POMT1: variants seen among roughly 807,000 people sequenced by gnomAD.
POMT1 encodes protein O-mannosyl-transferase 1.
In POMT1, 85 loss-of-function variants were observed where a neutral mutation model predicts 101.6. That is an observed-to-expected ratio of 0.84 (90% confidence interval 0.70 to 1.00). The LOEUF (loss-of-function observed/expected upper bound fraction) is 1.00, where lower values mean the gene tolerates loss of function less well. Ranked by LOEUF, POMT1 falls within the 50% of genes least tolerant of loss-of-function variation. POMT1 has a pLI of 0.00. For synonymous variants in POMT1, 371 were observed against 383.0 expected (o/e 0.97, Z 0.37); for missense variants, 857 against 930.4 (o/e 0.92, Z 1.03).
Position 131,513,276 on chromosome 9 carries a change from A to G in POMT1, c.1120A>G (p.Arg374Gly), listed in dbSNP as rs1947530918. 6.2e-7 allele frequency: 1 copy of G among 1,612,512 alleles called. No individual in the cohort carries two copies. The highest frequency in any genetic ancestry group is 8.5e-7 in the Non-Finnish European group (1 of 1,179,870). Reference protein sequence around the residue: ...LVVSSPPRPVRHGDMVQLVHG... With the variant: ...LVVSSPPRPVGHGDMVQLVHG... Reference sequence around the variant, plus strand: ...GGTGAGCAGCCCTCCGAGACCTGTGAGGCACGGGGACATGGTGCAGCTGGT... The same window carrying G: ...GGTGAGCAGCCCTCCGAGACCTGTGGGGCACGGGGACATGGTGCAGCTGGT... The change falls in exon 12 of 20, where the codon AGG becomes GGG. Residue 374 changes from arginine (R) to glycine (G), a missense_variant. Transcript: ENST00000402686.
intron 13 of POMT1, chr9:131,517,107 C>A (rs879780433): frequency 2.0e-5 from 3 of 152,416 alleles, no homozygotes; most frequent in Admixed American, 2.0e-4. Context: ...GGTCACACCC[C>A]CCCTTCTAGC....
rs1181745688 is a variant in POMT1, at chr9:131,502,999, C to T, written c.-105C>T. The T allele has an allele frequency of 2.0e-5, 3 of 152,296 alleles. No homozygotes were observed. Among genetic ancestry groups the T allele is most frequent in the African/African-American group, 7.2e-5 (3 of 41,460 alleles). The allele number at this position is 152,296 out of a possible 1,614,324, so 9.4% of individuals were successfully genotyped here. A position where few individuals can be genotyped will look rare whatever the true frequency, so the allele number is the denominator to read the frequency against. ...AGTGCCGAGCGGCCTCACCCCCAAC[C>T]GTCGGCCCAGTCGGACGGTTCCGAG... On this transcript the variant is annotated 5_prime_UTR_variant, in exon 1 of 20. Transcript: ENST00000402686.
intron 17 of POMT1, chr9:131,521,058 G>A: frequency 2.3e-6 from 1 of 442,408 alleles, no homozygotes. Flanking sequence ...GGGCAGGCTG[G>A]TCTCAAACTC....
rs1460425419 is a variant in POMT1, at chr9:131,522,321, A to G, written c.2003+97A>G. On this transcript the variant is annotated intron_variant, in intron 19 of 19. Transcript: ENST00000402686. The surrounding 1 kb of genome is among the most constrained non-coding windows in gnomAD (Gnocchi z 5.5). ...ACATGGGGTGCAGCGAACCTCACCC[A>G]TTTCACGTTACACTGACATCCTCCG... is the stretch of plus-strand genomic sequence containing the variant. 2 of 1,572,846 alleles carry G rather than the reference A, an allele frequency of 1.3e-6. No individual in the cohort carries two copies. The highest frequency in any genetic ancestry group is 1.7e-6 in the Non-Finnish European group (2 of 1,164,464).
chr9:131,512,326 C>CCGAG (rs754346134), intron 11 of POMT1, among the ~76,000 whole-genome samples, 190 bp downstream of exon 11: 2 of 152,192 alleles, frequency 1.3e-5, no homozygotes, highest in African/African-American at 4.8e-5. Flanking sequence ...CAGTGAGCAG[C>CCGAG]CTGCTCAGTA....
chr9:131,522,614 G>A lies in POMT1; in HGVS notation c.2004-318G>A, dbSNP rs546057610. 5.6e-4 allele frequency: 298 copies of A among 535,126 alleles called. 1 individual carries two copies. The highest frequency in any genetic ancestry group is 8.5e-4 in the South Asian group (41 of 48,506). The allele number at this position is 535,126 out of a possible 1,614,324, so 33.1% of individuals were successfully genotyped here. ...AAAGCTTCTAAACCAGAGTGTGTTT[G>A]GAGGTTGGAGCAGAGGGCGAGGGCC... On this transcript the variant is annotated intron_variant, in intron 19 of 19. Coordinates refer to ENST00000402686, the MANE Select transcript of POMT1 (RefSeq NM_001077365.2). This position sits in a 1 kb window ranked among gnomAD's most constrained non-coding sequence, Gnocchi z 5.5.
At chr9:131,516,156 A>ACTTC (rs35436240) in intron 13 of POMT1, among the ~76,000 whole-genome samples, 17,471 of 22,958 alleles carry the variant, frequency 0.76, 7,631 homozygotes, top group Non-Finnish European at 0.87. Flanking sequence ...AACACAGGAC[A>ACTTC]CTCTCACACT....
chr9:131,518,794 C>T (rs182764042), intron 14 of POMT1, 43 bp from the exon 15 acceptor site: 71 of 1,613,712 alleles, frequency 4.4e-5, no homozygotes, highest in Non-Finnish European at 5.5e-5. Flanking sequence ...ACGGGAGCCA[C>T]GGCCTTCCCA....
chr9:131,523,198 G>A lies in POMT1; in HGVS notation c.*92G>A, dbSNP rs1197262658. On this transcript the variant is annotated 3_prime_UTR_variant, in exon 20 of 20. Coordinates refer to ENST00000402686, the MANE Select transcript of POMT1 (RefSeq NM_001077365.2). The stretch of plus-strand genomic sequence containing the variant: ...ACGTAATGAGCAGGGTGGGCCCCAC[G>A]CTGGGAGGACACGGGCTGGGCTGAG... 2.2e-5 allele frequency: 33 copies of A among 1,487,620 alleles called. No individual in the cohort carries two copies. Among genetic ancestry groups the A allele is most frequent in the East Asian group, 1.4e-4 (6 of 42,926 alleles). The allele number at this position is 1,487,620 out of a possible 1,614,324, so 92.2% of individuals were successfully genotyped here.
rs752384133 is a variant in POMT1 at position 131,522,065 on chromosome 9, T to C, written c.1844T>C (p.Val615Ala). ...CCTATAGATGCCTGGCTGCGCTGGG[T>C]GCTGGCTGGGGCGCTGTGTGCCGGT... ...DLPQDAWLRW[V>A]LAGALCAGGW... Residue 615 changes from valine (V) to alanine (A), a missense_variant, in exon 19 of 20, where the codon GTG (valine) becomes GCG (alanine). Val to Ala is a moderately conservative substitution (Grantham distance 64). Transcript: ENST00000402686. The surrounding 1 kb of genome is among the most constrained non-coding windows in gnomAD (Gnocchi z 5.5). The C allele has an allele frequency of 1.9e-6, 3 of 1,614,048 alleles. No individual in the cohort carries two copies. The East Asian group carries it at 6.7e-5, about 36-fold the overall frequency.
intron 10 of POMT1, 99 bp downstream of exon 10, chr9:131,511,566 G>T: frequency 6.5e-7 from 1 of 1,533,790 alleles, no homozygotes; most frequent in Non-Finnish European, 8.9e-7. Context: ...AAGTTTGTTT[G>T]CAGGACAGAA....
chr9:131,514,468 C>T (rs1947849726), intron 12 of POMT1, among the ~76,000 whole-genome samples: 1 of 152,266 alleles, frequency 6.6e-6, no homozygotes, highest in Non-Finnish European at 1.5e-5. Flanking sequence ...AAAAGTGCCT[C>T]CTGGGTGCTG....
At position 131,515,522 on chromosome 9, in the gene POMT1, GGTGA is replaced by G. The variant is rs1424125642; in HGVS notation, c.1272+3_1272+6del. 5 of 1,613,736 alleles carry G rather than the reference GGTGA, an allele frequency of 3.1e-6. No individual in the cohort carries two copies. The highest frequency in any genetic ancestry group is 4.2e-6 in the Non-Finnish European group (5 of 1,179,762). On this transcript the variant is annotated splice_donor_variant and splice_donor_region_variant and intron_variant, in intron 13 of 19. Coordinates refer to ENST00000402686, the MANE Select transcript of POMT1 (RefSeq NM_001077365.2). LOFTEE classifies it high-confidence loss of function. Reference sequence around the variant, plus strand: ...TGCCCGCCCAGAACCTCTGGAGACTGGTGAGTAAGGCTGCGGCTATAGCAGCCAC... The same window carrying G: ...TGCCCGCCCAGAACCTCTGGAGACTGGTAAGGCTGCGGCTATAGCAGCCAC...
In POMT1 at chr9:131,520,203, C is replaced by T. The variant is rs184131819; in HGVS notation, c.1698+10C>T. ...GCACCCCAGGACCAGCGTAAGCGAGCGATGCTGACAGCTGACAGTCATAGA... is the reference window on the plus strand; with the variant it reads ...GCACCCCAGGACCAGCGTAAGCGAGTGATGCTGACAGCTGACAGTCATAGA... On this transcript the variant is annotated intron_variant, in intron 17 of 19. Transcript: ENST00000402686. 5.0e-6 allele frequency: 8 copies of T among 1,595,436 alleles called. No homozygotes were observed. Among genetic ancestry groups the T allele is most frequent in the Admixed American group, 3.3e-5 (2 of 59,980 alleles).
chr9:131,512,399 A>C (rs1947315940), intron 11 of POMT1, among the ~76,000 whole-genome samples: 1 of 152,026 alleles, frequency 6.6e-6, no homozygotes, highest in South Asian at 2.1e-4. Flanking sequence ...TCCCTTCCTC[A>C]TAAAAACAAG....
intron 13 of POMT1, among the ~76,000 whole-genome samples, chr9:131,515,794 ACACTTCCTCACACGGAG>A (rs1564366975): frequency 8.1e-6 from 1 of 123,724 alleles, no homozygotes; most frequent in African/African-American, 2.9e-5. Flanking sequence ...GTAACACAGG[ACACTTCCTCACACGGAG>A]CACTTCCTCT....
Position 131,517,946 on chromosome 9 carries a change from T to G in POMT1, c.1273-499T>G, listed in dbSNP as rs77435287. On this transcript the variant is annotated intron_variant, in intron 13 of 19. Transcript: ENST00000402686. ...ACAGTCATGTGATGTCATGGGGTCA[T>G]TGTGAGGCTCCAGTATGTCAGGCTG... 3.0e-3 allele frequency among the ~76,000 whole-genome samples: 460 copies of G among 152,372 alleles called. 1 individual carries two copies. The highest frequency in any genetic ancestry group is 0.017 in the Middle Eastern group (5 of 294).
At chr9:131,520,470 C>G (rs925062734) in intron 17 of POMT1, among the ~76,000 whole-genome samples, 3 of 152,210 alleles carry the variant, frequency 2.0e-5, no homozygotes, top group Non-Finnish European at 4.4e-5. Context: ...TAAGATATTC[C>G]CATTCAATTT....
chr9:131,523,091 G>T lies in POMT1; in HGVS notation c.2163G>T (p.Leu721Phe), dbSNP rs1462833757. The T allele has an allele frequency of 6.2e-7, 1 of 1,611,302 alleles. No homozygotes were observed. Among genetic ancestry groups the T allele is most frequent in the South Asian group, 1.1e-5 (1 of 90,854 alleles). ...ALRWKDSWDILIRKH is the reference protein window; with the variant it reads ...ALRWKDSWDIFIRKH ...GCTGGAAAGACAGCTGGGACATCTT[G>T]ATCCGAAAACACTAGAACAAGAGTG... The change falls in exon 20 of 20, where the codon TTG (leucine) becomes TTT (phenylalanine). Residue 721 changes from leucine (L) to phenylalanine (F), a missense_variant. By Grantham distance (22) the Leu-to-Phe change is conservative (BLOSUM62 0). Transcript: ENST00000402686.
Sources: gnomAD v4.1 joint callset for allele counts (sites outside exome capture counted in the v4.1 genomes callset) on GRCh38, gnomAD v4.1.1 for gene constraint, Gnocchi (gnomAD v3.1) non-coding constraint, MANE v1.5 for transcripts, NCBI Gene and HGNC (gene_info 2026-07-23, HGNC 2026-07-21) for gene names.